Variants in CPSF2 observed in about 807,000 individuals in gnomAD.
CPSF2 encodes cleavage and polyadenylation specific factor 2.
In CPSF2, 51 loss-of-function variants were observed where a neutral mutation model predicts 84.2. The ratio of observed to expected loss-of-function variants is 0.61; its 90% CI spans 0.48 to 0.77. The LOEUF is 0.77. Among genes scored for constraint, CPSF2 ranks in the 30% least tolerant of loss-of-function variants. The pLI, the probability that CPSF2 is intolerant of heterozygous loss-of-function variation, is 0.00. For missense variants in CPSF2, 641 were observed against 929.4 expected (o/e 0.69, Z 4.03); for synonymous variants, 286 against 311.9 (o/e 0.92, Z 0.87).
At chr14:92,129,614 A>G (rs937579384) in intron 2 of CPSF2, among the ~76,000 whole-genome samples, 2 of 152,188 alleles carry the variant, frequency 1.3e-5, no homozygotes, top group Non-Finnish European at 2.9e-5. Flanking sequence ...AAAATCTGAA[A>G]TGTTGCTGTG....
intron 11 of CPSF2, 75 bp downstream of exon 11, chr14:92,155,398 TTTGATCTTTCAC>T: frequency 1.6e-6 from 2 of 1,242,418 alleles, no homozygotes; most frequent in Admixed American, 3.6e-5. Flanking sequence ...TTTCAGTGAA[TTTGATCTTTCAC>T]TTGATCTTTC....
chr14:92,150,954 A>G (rs897651070), intron 9 of CPSF2, among the ~76,000 whole-genome samples: 4 of 152,230 alleles, frequency 2.6e-5, no homozygotes, highest in Admixed American at 1.3e-4. Flanking sequence ...GACTTCTGAT[A>G]AGATTGGTGG....
intron 15 of CPSF2, 126 bp from the exon 16 acceptor site, chr14:92,161,526 C>A: frequency 4.7e-6 from 3 of 634,170 alleles, no homozygotes; most frequent in Non-Finnish European, 7.6e-6. Flanking sequence ...TATCCATATG[C>A]TGTGAATCAG....
In CPSF2 at chr14:92,165,768, A is replaced by G. The variant is rs561545873; in HGVS notation, c.*4024A>G. On this transcript the variant is annotated 3_prime_UTR_variant, in exon 16 of 16. Coordinates refer to ENST00000298875, the MANE Select transcript of CPSF2 (RefSeq NM_017437.3). ...TGGCTTGTCTTTTCACTTTCTTCGT[A>G]GTGTAGTTTGAAGCACAAAAGTTTT... The G allele has an allele frequency of 8.3e-5, 12 of 144,334 alleles. No homozygotes were observed. The South Asian group carries it at 1.6e-3, about 20-fold the overall frequency. 8.9% of individuals were successfully genotyped at this position (144,334 alleles called of 1,614,324 possible). A position where few individuals can be genotyped will look rare whatever the true frequency, so the allele number is the denominator to read the frequency against.
In CPSF2 at chr14:92,135,367, G is replaced by A; in HGVS notation, c.416G>A (p.Gly139Asp). The A allele has an allele frequency of 6.2e-7, 1 of 1,606,526 alleles. No homozygotes were observed. The highest frequency in any genetic ancestry group is 8.5e-7 in the Non-Finnish European group (1 of 1,177,400). ...GAGTATTGTTATCTTGTTGACATAGGTAAAGGACATGGCCTGTCTATCACA... is the reference window on the plus strand; with the variant it reads ...GAGTATTGTTATCTTGTTGACATAGATAAAGGACATGGCCTGTCTATCACA... ...LKFSQIVNLK[G>D]KGHGLSITPL... The change falls in exon 6 of 16, where the codon GGT becomes GAT. Residue 139 changes from glycine (G) to aspartate (D), a missense_variant and splice_region_variant. Physicochemically the swap from Gly to Asp is moderately conservative, Grantham distance 94. Transcript: ENST00000298875.
intron 3 of CPSF2, among the ~76,000 whole-genome samples, chr14:92,131,492 A>T (rs2068928718): frequency 6.6e-6 from 1 of 152,178 alleles, no homozygotes. Context: ...TTGATGCTTA[A>T]CATTGTCAGC....
At chr14:92,134,844 C>T (rs2068978540) in intron 5 of CPSF2, among the ~76,000 whole-genome samples, 1 of 152,136 alleles carries the variant, frequency 6.6e-6, no homozygotes, top group African/African-American at 2.4e-5. Context: ...TAGATATTTT[C>T]ATAGATATGA....
rs923135591 is a variant in CPSF2, at chr14:92,159,828, G to A, written c.2121+546G>A. Reference sequence around the variant, plus strand: ...GACATATCTTTAGCAAATCTTTTAAGGTACATAATTGTTTCATGATTTTTT... The same window carrying A: ...GACATATCTTTAGCAAATCTTTTAAAGTACATAATTGTTTCATGATTTTTT... On this transcript the variant is annotated intron_variant, in intron 14 of 15. Transcript: ENST00000298875. Among the ~76,000 whole-genome samples, 3 of 151,646 alleles carry A rather than the reference G, an allele frequency of 2.0e-5. No individual in the cohort carries two copies. In the South Asian group the frequency reaches 6.2e-4, roughly 32 times the overall value.
At chr14:92,135,249 T>C (rs1322526509) in intron 5 of CPSF2, 118 bp from the exon 6 acceptor site, 7 of 907,284 alleles carry the variant, frequency 7.7e-6, no homozygotes, top group Non-Finnish European at 1.1e-5. Context: ...ATTTTTACTT[T>C]TGAAATTTGT....
chr14:92,136,908 C>T (rs1411900124), intron 6 of CPSF2, among the ~76,000 whole-genome samples: 1 of 151,920 alleles, frequency 6.6e-6, no homozygotes, highest in East Asian at 1.9e-4. Flanking sequence ...ATTGGTGAGT[C>T]TGATCTCTGA....
Position 92,169,765 on chromosome 14 carries a change from CATTT to C in CPSF2, c.*8026_*8029del, listed in dbSNP as rs2069495886. On this transcript the variant is annotated 3_prime_UTR_variant, in exon 16 of 16. Coordinates refer to ENST00000298875, the MANE Select transcript of CPSF2 (RefSeq NM_017437.3). ...TTACTGCCTATTAAGAAAAGCTTCACATTTATTTCAGCTATTCTATTGAATACTT... is the reference window on the plus strand; with the variant it reads ...TTACTGCCTATTAAGAAAAGCTTCACATTTCAGCTATTCTATTGAATACTT... 1 of 150,006 alleles carries C rather than the reference CATTT, an allele frequency of 6.7e-6. No individual in the cohort carries two copies. Among genetic ancestry groups the C allele is most frequent in the African/African-American group, 2.5e-5 (1 of 40,668 alleles). 9.3% of individuals were successfully genotyped at this position (150,006 alleles called of 1,614,324 possible). A position where few individuals can be genotyped will look rare whatever the true frequency, so the allele number is the denominator to read the frequency against.
rs1285488231 is a variant in CPSF2, at chr14:92,122,026, T to G, written c.-196T>G. 2 of 600,766 alleles carry G rather than the reference T, an allele frequency of 3.3e-6. No homozygotes were observed. Among genetic ancestry groups the G allele is most frequent in the South Asian group, 2.0e-5 (1 of 51,018 alleles). 37.2% of individuals were successfully genotyped at this position (600,766 alleles called of 1,614,324 possible). Reference sequence around the variant, plus strand: ...CTGTGGGGCTTCTGCCGGCCGGTAGTCCCTGGCGCTGCTGACCCAGCATCG... The same window carrying G: ...CTGTGGGGCTTCTGCCGGCCGGTAGGCCCTGGCGCTGCTGACCCAGCATCG... On this transcript the variant is annotated 5_prime_UTR_variant, in exon 1 of 16. Transcript: ENST00000298875.
chr14:92,161,016 TC>T (rs2069364419), intron 14 of CPSF2, 95 bp from the exon 15 acceptor site: 6 of 1,162,582 alleles, frequency 5.2e-6, no homozygotes, highest in Non-Finnish European at 7.3e-6. Context: ...TAATAGAAAA[TC>T]TCTTAGAGAT....
At chr14:92,134,420 G>T in intron 5 of CPSF2, 65 bp downstream of exon 5, 1 of 1,111,330 alleles carries the variant, frequency 9.0e-7, no homozygotes, top group East Asian at 2.5e-5. Flanking sequence ...AAAATACCGA[G>T]GAGAATTCAG....
chr14:92,139,705 A>T (rs2069049663), intron 7 of CPSF2, among the ~76,000 whole-genome samples: 1 of 150,280 alleles, frequency 6.7e-6, no homozygotes, highest in Admixed American at 6.6e-5. Context: ...TGCCCAGCTA[A>T]TTTTTATATT....
chr14:92,158,190 GGACA>G (rs1447674453), intron 13 of CPSF2, among the ~76,000 whole-genome samples: 8 of 152,264 alleles, frequency 5.3e-5, no homozygotes, highest in Non-Finnish European at 1.0e-4. Context: ...TGGGTTGTCA[GGACA>G]GACAGAGTAG....
At chr14:92,159,361 C>G in intron 14 of CPSF2, 79 bp downstream of exon 14, 1 of 1,238,876 alleles carries the variant, frequency 8.1e-7, no homozygotes, top group Non-Finnish European at 1.1e-6. Flanking sequence ...GTTTTTTTCC[C>G]CCCTTCTAAA....
intron 9 of CPSF2, among the ~76,000 whole-genome samples, chr14:92,151,743 A>C (rs992942031): frequency 2.0e-5 from 3 of 152,182 alleles, no homozygotes; most frequent in African/African-American, 7.2e-5. Context: ...AAAAATATAG[A>C]ATAATGCTAT....
At chr14:92,126,915 C>T (rs1241602460) in intron 2 of CPSF2, among the ~76,000 whole-genome samples, 1 of 152,148 alleles carries the variant, frequency 6.6e-6, no homozygotes, top group Non-Finnish European at 1.5e-5. Flanking sequence ...AAAAATGGAT[C>T]AAGCCAACTC....
Sources: gnomAD v4.1 joint callset for allele counts (sites outside exome capture counted in the v4.1 genomes callset) on GRCh38, gnomAD v4.1.1 for gene constraint, MANE v1.5 for transcripts, NCBI Gene and HGNC (gene_info 2026-07-23, HGNC 2026-07-21) for gene names.